MYO3A: variants seen among roughly 807,000 people sequenced by gnomAD.
The protein encoded by MYO3A is myosin-IIIa.
MYO3A carries 180 observed loss-of-function variants against 192.7 expected under a neutral mutation model. That is an observed-to-expected ratio of 0.93 (90% CI 0.83 to 1.06). MYO3A has a LOEUF of 1.06. Ranked by LOEUF, MYO3A falls within the 50% of genes least tolerant of loss-of-function variation. The probability of loss-of-function intolerance (pLI) is 0.00; values close to 1 mark genes in which losing one functional copy is unlikely to be tolerated. For missense variants in MYO3A, 1,896 were observed against 1,905.0 expected, an observed-to-expected ratio of 1.00 and a Z score of 0.09; for synonymous variants, 628 against 645.3, an observed-to-expected ratio of 0.97 and a Z score of 0.41.
intron 34 of MYO3A, among the ~76,000 whole-genome samples, chr10:26,210,674 T>C (rs773671121): frequency 6.6e-6 from 1 of 152,232 alleles, no homozygotes; most frequent in African/African-American, 2.4e-5. Flanking sequence ...GTCCTTGACA[T>C]GGTCTCAAAT....
intron 10 of MYO3A, among the ~76,000 whole-genome samples, chr10:26,040,610 A>G (rs967874034): frequency 3.3e-5 from 5 of 152,250 alleles, no homozygotes; most frequent in African/African-American, 9.6e-5. Context: ...TGACAAAGTT[A>G]TCTTAGGGTA....
At chr10:26,197,846 G>A (rs1269884899) in intron 32 of MYO3A, among the ~76,000 whole-genome samples, 2 of 152,180 alleles carry the variant, frequency 1.3e-5, no homozygotes, top group Admixed American at 1.3e-4. Flanking sequence ...AATTACAGGC[G>A]TGAGCCACCA....
chr10:26,077,353 A>G (rs1199631535), intron 14 of MYO3A, among the ~76,000 whole-genome samples: 2 of 146,554 alleles, frequency 1.4e-5, no homozygotes, highest in Non-Finnish European at 3.0e-5. Flanking sequence ...TTAATCTCGT[A>G]TCTGGAAACT....
intron 23 of MYO3A, among the ~76,000 whole-genome samples, chr10:26,152,344 A>C (rs1292894668): frequency 6.6e-6 from 1 of 152,234 alleles, no homozygotes; most frequent in Non-Finnish European, 1.5e-5. Context: ...AGGAGGCACT[A>C]CTTTTTTACA....
chr10:26,164,580 GAAAGTGGCCCTGGAC>G (rs1053764809), intron 26 of MYO3A, among the ~76,000 whole-genome samples: 22 of 152,236 alleles, frequency 1.4e-4, no homozygotes, highest in African/African-American at 5.3e-4. Context: ...AAGAAGAGAG[GAAAGTGGCCCTGGAC>G]ACTGGTCAGG....
intron 32 of MYO3A, among the ~76,000 whole-genome samples, chr10:26,196,494 C>CT (rs1466312384): frequency 6.6e-6 from 1 of 152,128 alleles, no homozygotes; most frequent in Non-Finnish European, 1.5e-5. Context: ...TTTAATAACT[C>CT]TGAGTTTGAA....
chr10:25,978,291 T>A (rs1839082915), intron 4 of MYO3A, among the ~76,000 whole-genome samples: 1 of 152,212 alleles, frequency 6.6e-6, no homozygotes, highest in Non-Finnish European at 1.5e-5. Context: ...TACCCAAGAC[T>A]GGGCAATTTA....
chr10:26,051,891 G>C (rs1279648978), intron 10 of MYO3A, among the ~76,000 whole-genome samples: 1 of 152,174 alleles, frequency 6.6e-6, no homozygotes, highest in Admixed American at 6.5e-5. Context: ...GGGCTGCAAA[G>C]CTGAAAATAT....
chr10:25,971,483 A>T (rs1024047789), intron 4 of MYO3A, among the ~76,000 whole-genome samples: 1 of 107,048 alleles, frequency 9.3e-6, no homozygotes, highest in African/African-American at 3.5e-5. Flanking sequence ...ATGTGAGATC[A>T]CTTACTTTCA....
intron 10 of MYO3A, among the ~76,000 whole-genome samples, chr10:26,039,609 T>G (rs1357221791): frequency 6.6e-6 from 1 of 152,130 alleles, no homozygotes; most frequent in Non-Finnish European, 1.5e-5. Context: ...TGGTTCAATC[T>G]TGGTAGGTTG....
intron 10 of MYO3A, among the ~76,000 whole-genome samples, chr10:26,054,074 T>C (rs1161715339): frequency 6.6e-6 from 1 of 152,068 alleles, no homozygotes; most frequent in Non-Finnish European, 1.5e-5. Flanking sequence ...GGGGACACAC[T>C]GTTAGGAGAT....
chr10:25,976,972 A>G (rs1407904839), intron 4 of MYO3A, among the ~76,000 whole-genome samples: 2 of 152,132 alleles, frequency 1.3e-5, no homozygotes, highest in African/African-American at 2.4e-5. Context: ...TTAATTCTTC[A>G]TATTTATTTT....
intron 14 of MYO3A, among the ~76,000 whole-genome samples, chr10:26,073,910 A>G (rs1382725752): frequency 1.3e-5 from 2 of 152,128 alleles, no homozygotes; most frequent in South Asian, 2.1e-4. Flanking sequence ...TGGGGATTAC[A>G]TGATGGCACA....
intron 30 of MYO3A, 112 bp from the exon 31 acceptor site, chr10:26,176,589 G>A: frequency 1.1e-6 from 1 of 950,924 alleles, no homozygotes; most frequent in Non-Finnish European, 1.6e-6. Context: ...GCCCTGGAGA[G>A]GAACATGAGA....
At chr10:25,996,726 C>CT in intron 5 of MYO3A, 132 bp downstream of exon 5, 1 of 780,592 alleles carries the variant, frequency 1.3e-6, no homozygotes, top group Non-Finnish European at 2.2e-6. Context: ...TATGCAAAAT[C>CT]TGACATGTTC....
At chr10:26,080,961 G>A (rs1379439351) in intron 14 of MYO3A, among the ~76,000 whole-genome samples, 2 of 152,116 alleles carry the variant, frequency 1.3e-5, no homozygotes, top group Non-Finnish European at 2.9e-5. Context: ...AGGTAGTAGG[G>A]GGAGTGCAGT....
At chr10:26,058,920 A>G (rs758924497) in intron 10 of MYO3A, among the ~76,000 whole-genome samples, 1 of 130,286 alleles carries the variant, frequency 7.7e-6, no homozygotes, top group Admixed American at 7.5e-5. Context: ...TGTTAGATTT[A>G]TACTTAAGTA....
chr10:26,123,255 A>G (rs753794742), intron 18 of MYO3A, among the ~76,000 whole-genome samples: 12 of 152,214 alleles, frequency 7.9e-5, no homozygotes, highest in Non-Finnish European at 1.6e-4. Flanking sequence ...ATACTAAAAA[A>G]AGAAAGCATA....
At chr10:26,051,555 T>A (rs1448585410) in intron 10 of MYO3A, among the ~76,000 whole-genome samples, 2 of 148,264 alleles carry the variant, frequency 1.3e-5, no homozygotes, top group South Asian at 4.2e-4. Flanking sequence ...ATATATTATA[T>A]ACTATCTATA....
Sources: gnomAD v4.1 joint callset for allele counts (sites outside exome capture counted in the v4.1 genomes callset) on GRCh38, gnomAD v4.1.1 for gene constraint, MANE v1.5 for transcripts, NCBI Gene and HGNC (gene_info 2026-07-23, HGNC 2026-07-21) for gene names.